NKAIN2: variants seen among roughly 807,000 people sequenced by gnomAD.
The protein encoded by NKAIN2 is sodium/potassium-transporting ATPase subunit beta-1-interacting protein 2.
NKAIN2 carries 14 observed loss-of-function variants against 32.6 expected under a neutral mutation model. That is an observed-to-expected ratio of 0.43 (90% CI 0.28 to 0.67). NKAIN2 has a LOEUF of 0.67. Ranked by LOEUF, NKAIN2 falls within the 30% of genes least tolerant of loss-of-function variation. The pLI, the probability that NKAIN2 is intolerant of heterozygous loss-of-function variation, is 0.17. For synonymous variants in NKAIN2, 80 were observed against 87.2 expected, an observed-to-expected ratio of 0.92 and a Z score of 0.46; for missense variants, 198 against 258.3, an observed-to-expected ratio of 0.77 and a Z score of 1.60.
At chr6:124,672,334 G>A (rs1030076916) in intron 4 of NKAIN2, among the ~76,000 whole-genome samples, 3 of 152,060 alleles carry the variant, frequency 2.0e-5, no homozygotes, top group African/African-American at 7.2e-5. Flanking sequence ...AGTGTCCAAT[G>A]TGGGAATTGT....
chr6:124,251,696 T>C (rs1016239563), intron 1 of NKAIN2, among the ~76,000 whole-genome samples: 1 of 152,060 alleles, frequency 6.6e-6, no homozygotes, highest in African/African-American at 2.4e-5. Context: ...TTAGTCAATA[T>C]TGTTGGTATG....
intron 1 of NKAIN2, among the ~76,000 whole-genome samples, chr6:124,276,424 GT>G (rs1209635538): frequency 6.6e-6 from 1 of 151,796 alleles, no homozygotes; most frequent in Non-Finnish European, 1.5e-5. Context: ...AAGCTCTGTG[GT>G]TTGTCCTTTA....
intron 3 of NKAIN2, among the ~76,000 whole-genome samples, chr6:124,426,502 A>G: frequency 6.6e-6 from 1 of 152,194 alleles, no homozygotes; most frequent in East Asian, 1.9e-4. Context: ...AAAAAATAAA[A>G]CAGAGATAAA....
chr6:124,035,633 C>A (rs999987857), intron 1 of NKAIN2, among the ~76,000 whole-genome samples: 2 of 152,126 alleles, frequency 1.3e-5, no homozygotes, highest in South Asian at 4.1e-4. Flanking sequence ...GATGGGCACA[C>A]AAAAGTGCTT....
chr6:124,658,362 T>C lies in NKAIN2; in HGVS notation c.450T>C (p.His150=), dbSNP rs1464281694. The change falls in exon 4 of 7, where the codon CAT becomes CAC. Residue 150 remains histidine, a synonymous_variant. Coordinates refer to ENST00000368417, the MANE Select transcript of NKAIN2 (RefSeq NM_001040214.3). ...AGTACCAGTACATAGAAGTGGCTCA[T>C]AGTTCCCTCCAGATTGTCCTCGCAG... ...LLEYQYIEVA[H]SSLQIVLALA... The C allele has an allele frequency of 2.5e-6, 4 of 1,614,028 alleles. No individual in the cohort carries two copies. In the South Asian group the frequency reaches 3.3e-5, roughly 13 times the overall value.
At chr6:124,471,375 G>T (rs1776967091) in intron 3 of NKAIN2, among the ~76,000 whole-genome samples, 1 of 151,612 alleles carries the variant, frequency 6.6e-6, no homozygotes, top group South Asian at 2.1e-4. Context: ...AATTTTGGGG[G>T]CCCTAAAATA....
Position 124,682,012 on chromosome 6 carries a change from C to A in NKAIN2, c.474+23626C>A, listed in dbSNP as rs992824646. Among the ~76,000 whole-genome samples, 4 of 151,852 alleles carry A rather than the reference C, an allele frequency of 2.6e-5. No individual in the cohort carries two copies. In the South Asian group the frequency reaches 8.3e-4, roughly 32 times the overall value. ...GGTGAGAAAAATAGAAAGAGTAGAG[C>A]AAATACTGGGGATAAAAATGTAATG... is the stretch of plus-strand genomic sequence containing the variant. On this transcript the variant is annotated intron_variant, in intron 4 of 6. Coordinates refer to ENST00000368417, the MANE Select transcript of NKAIN2 (RefSeq NM_001040214.3).
intron 3 of NKAIN2, among the ~76,000 whole-genome samples, chr6:124,608,762 AT>A (rs1384649945): frequency 6.6e-6 from 1 of 152,154 alleles, no homozygotes. Flanking sequence ...GGAGCTCACA[AT>A]TTTCGACCTC....
chr6:124,097,516 G>C (rs1406371450), intron 1 of NKAIN2, among the ~76,000 whole-genome samples: 1 of 151,974 alleles, frequency 6.6e-6, no homozygotes, highest in Non-Finnish European at 1.5e-5. Flanking sequence ...GTACATAAAA[G>C]AGTAGCCTGT....
At chr6:123,983,865 A>G (rs960778826) in intron 1 of NKAIN2, among the ~76,000 whole-genome samples, 5 of 152,162 alleles carry the variant, frequency 3.3e-5, no homozygotes, top group African/African-American at 9.7e-5. Flanking sequence ...TGCTGCTAGT[A>G]AGAAATAAAG....
At chr6:124,011,693 C>T (rs939167715) in intron 1 of NKAIN2, among the ~76,000 whole-genome samples, 1 of 152,106 alleles carries the variant, frequency 6.6e-6, no homozygotes, top group Non-Finnish European at 1.5e-5. Flanking sequence ...TTCAAATTGG[C>T]CTTTTCCTCT....
chr6:123,877,781 A>G (rs1773234473), intron 1 of NKAIN2, among the ~76,000 whole-genome samples: 1 of 152,260 alleles, frequency 6.6e-6, no homozygotes. Context: ...CAAATTATGT[A>G]GTATGGCCTT....
At chr6:124,023,186 C>T (rs1333099115) in intron 1 of NKAIN2, among the ~76,000 whole-genome samples, 2 of 151,078 alleles carry the variant, frequency 1.3e-5, no homozygotes, top group African/African-American at 2.4e-5. Flanking sequence ...AGGATTGATA[C>T]AGAAAAAACA....
At position 124,219,818 on chromosome 6, in the gene NKAIN2, C is replaced by T. The variant is rs1488438999; in HGVS notation, c.55-63187C>T. ...TTGAAAGCTGGTTTATTCCTATATC[C>T]TTATATACAGTCTAAATGGAAGGAT... On this transcript the variant is annotated intron_variant, in intron 1 of 6. Coordinates refer to ENST00000368417, the MANE Select transcript of NKAIN2 (RefSeq NM_001040214.3). Among the ~76,000 whole-genome samples, 3 of 151,978 alleles carry T rather than the reference C, an allele frequency of 2.0e-5. No individual in the cohort carries two copies. In the East Asian group the frequency reaches 5.8e-4, roughly 30 times the overall value.
At chr6:124,235,680 C>T (rs916723718) in intron 1 of NKAIN2, among the ~76,000 whole-genome samples, 15 of 151,582 alleles carry the variant, frequency 9.9e-5, no homozygotes, top group Admixed American at 8.6e-4. Context: ...CTCACTGCAA[C>T]CTCTGCCTCC....
At chr6:124,545,155 A>G (rs1418545726) in intron 3 of NKAIN2, among the ~76,000 whole-genome samples, 1 of 152,210 alleles carries the variant, frequency 6.6e-6, no homozygotes, top group Non-Finnish European at 1.5e-5. Flanking sequence ...TCTATTCACT[A>G]AGGCACATTT....
At chr6:124,382,034 G>A (rs1318368734) in intron 3 of NKAIN2, among the ~76,000 whole-genome samples, 6 of 151,990 alleles carry the variant, frequency 3.9e-5, no homozygotes, top group Admixed American at 6.6e-5. Context: ...GTATTTAGAG[G>A]TATCTGGGAG....
At chr6:124,444,278 C>T (rs2114604265) in intron 3 of NKAIN2, among the ~76,000 whole-genome samples, 1 of 152,036 alleles carries the variant, frequency 6.6e-6, no homozygotes, top group East Asian at 1.9e-4. Flanking sequence ...TCTTAGGACC[C>T]TTACAACTTC....
intron 3 of NKAIN2, among the ~76,000 whole-genome samples, chr6:124,592,797 T>G: frequency 6.6e-6 from 1 of 152,206 alleles, no homozygotes; most frequent in Admixed American, 6.5e-5. Flanking sequence ...TTTGGTTTTC[T>G]TGCCTATAAA....
Sources: allele counts gnomAD v4.1 joint callset (sites outside exome capture counted in the v4.1 genomes callset), GRCh38; gene constraint gnomAD v4.1.1; transcripts MANE v1.5; gene names NCBI Gene and HGNC (gene_info 2026-07-23, HGNC 2026-07-21).